The following ITGA1 variants were observed in gnomAD, a reference collection of about 807,000 sequenced individuals.
ITGA1 encodes integrin alpha-1.
A neutral mutation model predicts 145.9 loss-of-function variants in ITGA1; 85 were observed. The ratio of observed to expected loss-of-function variants is 0.58; its 90% confidence interval spans 0.49 to 0.70. The LOEUF (loss-of-function observed/expected upper bound fraction) is 0.70, where lower values mean the gene tolerates loss of function less well. Ranked by LOEUF, ITGA1 falls within the 30% of genes least tolerant of loss-of-function variation. The pLI, the probability that ITGA1 is intolerant of heterozygous loss-of-function variation, is 0.00. For synonymous variants in ITGA1, 520 were observed against 495.3 expected, an observed-to-expected ratio of 1.05 and a Z score of -0.66; for missense variants, 1,351 against 1,418.7, an observed-to-expected ratio of 0.95 and a Z score of 0.77.
chr5:52,811,159 A>T (rs1748678392), intron 1 of ITGA1, among the ~76,000 whole-genome samples: 1 of 152,250 alleles, frequency 6.6e-6, no homozygotes, highest in Non-Finnish European at 1.5e-5. Flanking sequence ...ATTTGTGAAT[A>T]ACCAAGTATG....
intron 2 of ITGA1, among the ~76,000 whole-genome samples, chr5:52,850,002 A>ATT (rs373306832): frequency 0.27 from 37,257 of 140,342 alleles, 5,156 homozygotes; most frequent in South Asian, 0.37. Context: ...TGTAGATAGG[A>ATT]TTTTTTTTTT....
At chr5:52,911,537 GATACATATAC>G (rs1353649359) in intron 14 of ITGA1, among the ~76,000 whole-genome samples, 60 of 104,944 alleles carry the variant, frequency 5.7e-4, no homozygotes, top group Non-Finnish European at 7.3e-4. Context: ...CTATATATTA[GATACATATAC>G]TATATATAGT....
chr5:52,905,736 G>A (rs377682616), intron 11 of ITGA1, 27 bp from the exon 12 acceptor site: 134 of 1,595,840 alleles, frequency 8.4e-5, no homozygotes, highest in Non-Finnish European at 1.1e-4. Context: ...GGTCCAGGTG[G>A]TATACCTGGA....
At chr5:52,893,357 A>C (rs1750179540) in intron 8 of ITGA1, among the ~76,000 whole-genome samples, 1 of 152,212 alleles carries the variant, frequency 6.6e-6, no homozygotes, top group Admixed American at 6.5e-5. Context: ...GAAACTATGA[A>C]TATAACATTA....
intron 1 of ITGA1, among the ~76,000 whole-genome samples, chr5:52,823,079 G>GT (rs1458040576): frequency 1.3e-5 from 2 of 152,192 alleles, no homozygotes; most frequent in Non-Finnish European, 2.9e-5. Context: ...TTTAAGGTGA[G>GT]TGAGTTCTCT....
At chr5:52,800,900 G>A (rs758654730) in intron 1 of ITGA1, 6 of 1,613,802 alleles carry the variant, frequency 3.7e-6, no homozygotes, top group Non-Finnish European at 4.2e-6. Flanking sequence ...AACATCCCTA[G>A]GAAAAGGAAA....
At chr5:52,791,980 C>T (rs1748251375) in intron 1 of ITGA1, among the ~76,000 whole-genome samples, 1 of 152,144 alleles carries the variant, frequency 6.6e-6, no homozygotes, top group Non-Finnish European at 1.5e-5. Flanking sequence ...CTCTTGCTCA[C>T]TCCTCTAAAT....
At chr5:52,831,870 T>A (rs575513242) in intron 1 of ITGA1, among the ~76,000 whole-genome samples, 1 of 152,298 alleles carries the variant, frequency 6.6e-6, no homozygotes, top group African/African-American at 2.4e-5. Context: ...GTAGGCCCAG[T>A]CTTTCTCTTT....
At chr5:52,892,671 C>T (rs997223260) in intron 8 of ITGA1, among the ~76,000 whole-genome samples, 1 of 152,196 alleles carries the variant, frequency 6.6e-6, no homozygotes, top group Non-Finnish European at 1.5e-5. Context: ...AAGGACCCAA[C>T]TACTGCTACA....
At chr5:52,918,132 T>C (rs1750676089) in intron 15 of ITGA1, among the ~76,000 whole-genome samples, 1 of 152,204 alleles carries the variant, frequency 6.6e-6, no homozygotes, top group Non-Finnish European at 1.5e-5. Context: ...CCCAGGTTTT[T>C]CCTCTTAATA....
intron 1 of ITGA1, among the ~76,000 whole-genome samples, chr5:52,849,123 T>C (rs904129523): frequency 1.3e-5 from 2 of 152,220 alleles, no homozygotes; most frequent in African/African-American, 2.4e-5. Context: ...AAATGGTATT[T>C]CTAGTTCTAG....
chr5:52,895,083 A>G (rs1431152424), intron 9 of ITGA1, among the ~76,000 whole-genome samples: 1 of 152,070 alleles, frequency 6.6e-6, no homozygotes, highest in Non-Finnish European at 1.5e-5. Flanking sequence ...CATCAATTCC[A>G]TTCTACCCTA....
At chr5:52,848,885 T>C (rs1280266214) in intron 1 of ITGA1, among the ~76,000 whole-genome samples, 3 of 152,162 alleles carry the variant, frequency 2.0e-5, no homozygotes, top group Admixed American at 6.5e-5. Flanking sequence ...GCTTCATCCA[T>C]GTCCCTACAA....
intron 16 of ITGA1, among the ~76,000 whole-genome samples, chr5:52,919,394 A>T (rs1750699390): frequency 6.6e-6 from 1 of 152,052 alleles, no homozygotes; most frequent in African/African-American, 2.4e-5. Context: ...CGAGAGTCAG[A>T]CTTGTTCTGT....
chr5:52,934,897 A>AT (rs1750943110), intron 23 of ITGA1, among the ~76,000 whole-genome samples: 1 of 151,860 alleles, frequency 6.6e-6, no homozygotes, highest in Non-Finnish European at 1.5e-5. Flanking sequence ...TCCTATGACA[A>AT]TTTATGCTAA....
chr5:52,789,489 AT>A (rs1330347644), intron 1 of ITGA1, among the ~76,000 whole-genome samples: 3 of 152,206 alleles, frequency 2.0e-5, no homozygotes, highest in South Asian at 2.1e-4. Context: ...TATGAAGATG[AT>A]TTAGAAGTTG....
chr5:52,827,523 A>G (rs36026225), intron 1 of ITGA1, among the ~76,000 whole-genome samples: 24,548 of 152,190 alleles, frequency 0.16, 2,773 homozygotes, highest in Non-Finnish European at 0.23. Flanking sequence ...GTAAAGTGTG[A>G]TACAAAAGAT....
chr5:52,808,676 C>CTTTCTTTTTTTTTTTTTTTTTTTTTTTT (rs1554041033), intron 1 of ITGA1, among the ~76,000 whole-genome samples: 35 of 69,334 alleles, frequency 5.0e-4, no homozygotes, highest in African/African-American at 1.2e-3. Context: ...TTCTTTCTTT[C>CTTTCTTTTTTTTTTTTTTTTTTTTTTTT]TTTTTTTTTT....
At chr5:52,822,968 T>C (rs1222926644) in intron 1 of ITGA1, among the ~76,000 whole-genome samples, 4 of 152,138 alleles carry the variant, frequency 2.6e-5, no homozygotes, top group African/African-American at 9.6e-5. Flanking sequence ...GATGGTCGAA[T>C]AGGGACTTTT....
Sources: gnomAD v4.1 joint callset for allele counts (sites outside exome capture counted in the v4.1 genomes callset) on GRCh38, gnomAD v4.1.1 for gene constraint, MANE v1.5 for transcripts, NCBI Gene and HGNC (gene_info 2026-07-23, HGNC 2026-07-21) for gene names.